The following PPM1E variants were observed in gnomAD, a reference collection of about 807,000 sequenced individuals.
The protein encoded by PPM1E is protein phosphatase 1E.
Under a neutral mutation model 65.9 loss-of-function variants are expected in PPM1E, and 20 were observed. The observed-to-expected ratio is 0.30, with a 90% CI of 0.21 to 0.44. The LOEUF (loss-of-function observed/expected upper bound fraction) is 0.44. PPM1E is among the 20% of genes least tolerant of loss of function. The pLI, the probability that PPM1E is intolerant of heterozygous loss-of-function variation, is 1.00. For missense variants in PPM1E, 713 were observed against 953.1 expected (o/e 0.75, Z 3.32); for synonymous variants, 352 against 374.9 (o/e 0.94, Z 0.70).
At chr17:58,933,728 G>A (rs2051935538) in intron 1 of PPM1E, among the ~76,000 whole-genome samples, 1 of 151,520 alleles carries the variant, frequency 6.6e-6, no homozygotes, top group Non-Finnish European at 1.5e-5. Flanking sequence ...CCTGGAAAGT[G>A]GAGGTTTCAG....
chr17:58,846,956 G>A (rs965961075), intron 1 of PPM1E, among the ~76,000 whole-genome samples: 2 of 151,944 alleles, frequency 1.3e-5, no homozygotes, highest in African/African-American at 4.8e-5. Context: ...TTTAATGATT[G>A]CCATTCTAAC....
intron 1 of PPM1E, among the ~76,000 whole-genome samples, chr17:58,827,487 A>G (rs539006782): frequency 1.3e-5 from 2 of 152,248 alleles, no homozygotes; most frequent in Admixed American, 6.5e-5. Context: ...TCTTATACCA[A>G]TGTTTTATCC....
intron 1 of PPM1E, among the ~76,000 whole-genome samples, chr17:58,800,036 G>A (rs2050244302): frequency 6.6e-6 from 1 of 152,106 alleles, no homozygotes; most frequent in African/African-American, 2.4e-5. Flanking sequence ...GGATTACATT[G>A]ACTATGTGTG....
intron 1 of PPM1E, among the ~76,000 whole-genome samples, chr17:58,922,867 A>G (rs1598651698): frequency 6.6e-6 from 1 of 151,724 alleles, no homozygotes; most frequent in African/African-American, 2.4e-5. Flanking sequence ...GTATTTTTAG[A>G]AGAGACGGGG....
intron 1 of PPM1E, among the ~76,000 whole-genome samples, chr17:58,953,144 C>A (rs192313850): frequency 9.2e-5 from 14 of 152,214 alleles, no homozygotes; most frequent in Non-Finnish European, 1.9e-4. Context: ...CCAGGAGGCA[C>A]ATAGAGATCA....
chr17:58,826,407 C>A (rs2050537235), intron 1 of PPM1E, among the ~76,000 whole-genome samples: 1 of 151,646 alleles, frequency 6.6e-6, no homozygotes, highest in Non-Finnish European at 1.5e-5. Context: ...TAAATAGCTA[C>A]AGATATCTAC....
At chr17:58,835,879 A>T (rs1224999919) in intron 1 of PPM1E, 1 of 152,274 alleles carries the variant, frequency 6.6e-6, no homozygotes, top group South Asian at 2.1e-4. Flanking sequence ...AAACAAAAAA[A>T]CAAAACAAAA....
At chr17:58,919,839 A>G (rs2051730336) in intron 1 of PPM1E, among the ~76,000 whole-genome samples, 2 of 152,250 alleles carry the variant, frequency 1.3e-5, no homozygotes, top group African/African-American at 4.8e-5. Context: ...CAGGTGCTAC[A>G]TGATTGTGGT....
intron 1 of PPM1E, among the ~76,000 whole-genome samples, chr17:58,783,822 A>G (rs939185553): frequency 6.6e-6 from 1 of 151,000 alleles, no homozygotes; most frequent in Non-Finnish European, 1.5e-5. Flanking sequence ...ATTCTCTTGC[A>G]TCAGCCTCCC....
chr17:58,782,844 A>G lies in PPM1E; in HGVS notation c.464+26383A>G, dbSNP rs560988218. Reference sequence around the variant, plus strand: ...TATTAAAGATAATTTTAAAGATTTTAGAATTATATTCAGAAACAGGAATAT... The same window carrying G: ...TATTAAAGATAATTTTAAAGATTTTGGAATTATATTCAGAAACAGGAATAT... On this transcript the variant is annotated intron_variant, in intron 1 of 6. Transcript: ENST00000308249. 2.0e-4 allele frequency among the ~76,000 whole-genome samples: 30 copies of G among 152,304 alleles called. No individual in the cohort carries two copies. The South Asian group carries it at 3.5e-3, about 18-fold the overall frequency.
chr17:58,964,350 G>T (rs1300249117), intron 2 of PPM1E, among the ~76,000 whole-genome samples: 2 of 152,066 alleles, frequency 1.3e-5, no homozygotes. Flanking sequence ...TTAAGTGGAG[G>T]GCAACTTGAG....
chr17:58,900,937 T>C (rs1414243238), intron 1 of PPM1E, among the ~76,000 whole-genome samples: 1 of 152,198 alleles, frequency 6.6e-6, no homozygotes, highest in African/African-American at 2.4e-5. Flanking sequence ...AATATGTACC[T>C]TACAACTATC....
At chr17:58,808,600 A>C (rs1160574326) in intron 1 of PPM1E, among the ~76,000 whole-genome samples, 1 of 152,116 alleles carries the variant, frequency 6.6e-6, no homozygotes, top group South Asian at 2.1e-4. Context: ...AGAGAAAAAG[A>C]GTATAAAATT....
intron 1 of PPM1E, among the ~76,000 whole-genome samples, chr17:58,891,365 C>T (rs2051342168): frequency 6.6e-6 from 1 of 152,086 alleles, no homozygotes; most frequent in Non-Finnish European, 1.5e-5. Flanking sequence ...CTCTGTTGCC[C>T]AGGCTGGAGT....
chr17:58,816,741 A>AATATAT (rs67568496), intron 1 of PPM1E, among the ~76,000 whole-genome samples: 5 of 85,276 alleles, frequency 5.9e-5, no homozygotes, highest in Admixed American at 1.8e-4. Flanking sequence ...TCAGAATATA[A>AATATAT]ATATATATAT....
chr17:58,872,970 C>T (rs960960152), intron 1 of PPM1E, among the ~76,000 whole-genome samples: 4 of 152,138 alleles, frequency 2.6e-5, no homozygotes, highest in Non-Finnish European at 5.9e-5. Context: ...AAGGCTTTTC[C>T]TAGTCATTTA....
chr17:58,868,378 A>AT (rs911194821), intron 1 of PPM1E, among the ~76,000 whole-genome samples: 9 of 152,010 alleles, frequency 5.9e-5, no homozygotes, highest in East Asian at 3.9e-4. Context: ...TCAAAAAAAA[A>AT]TTTTTTTTAA....
intron 1 of PPM1E, among the ~76,000 whole-genome samples, chr17:58,925,040 G>GCA (rs780261789): frequency 3.6e-4 from 54 of 152,062 alleles, no homozygotes; most frequent in Non-Finnish European, 8.8e-5. Context: ...ATAAACATAT[G>GCA]TGTGCATGTG....
chr17:58,858,125 C>T (rs1257323182), intron 1 of PPM1E, among the ~76,000 whole-genome samples: 1 of 151,986 alleles, frequency 6.6e-6, no homozygotes, highest in African/African-American at 2.4e-5. Flanking sequence ...CTTATAAAGC[C>T]AATGTTTTTA....
Sources: gnomAD v4.1 joint callset for allele counts (sites outside exome capture counted in the v4.1 genomes callset) on GRCh38, gnomAD v4.1.1 for gene constraint, MANE v1.5 for transcripts, NCBI Gene and HGNC (gene_info 2026-07-23, HGNC 2026-07-21) for gene names.